Variants in NEK9 observed in about 807,000 individuals in gnomAD.
NEK9 encodes the protein NIMA related kinase 9.
NEK9 carries 75 observed loss-of-function variants against 123.4 expected under a neutral mutation model. The ratio of observed to expected loss-of-function variants is 0.61; its 90% CI spans 0.50 to 0.74. NEK9 has a LOEUF of 0.74. NEK9 is among the 30% of genes least tolerant of loss of function. The pLI is 0.00. For missense variants in NEK9, 952 were observed against 1,214.4 expected (o/e 0.78, Z 3.21); for synonymous variants, 438 against 458.7 (o/e 0.95, Z 0.58).
chr14:75,089,000 T>C (rs766277629), intron 19 of NEK9, among the ~76,000 whole-genome samples: 26 of 152,228 alleles, frequency 1.7e-4, no homozygotes, highest in Non-Finnish European at 5.9e-5. Flanking sequence ...AACAGCATGC[T>C]GCTTCCTCTG....
intron 13 of NEK9, among the ~76,000 whole-genome samples, chr14:75,105,731 T>G (rs1397307306): frequency 6.6e-6 from 1 of 152,226 alleles, no homozygotes; most frequent in South Asian, 2.1e-4. Context: ...GACTTCACAA[T>G]GTCCACAGTC....
chr14:75,102,663 C>CT (rs1485207928), intron 14 of NEK9, among the ~76,000 whole-genome samples: 2 of 152,124 alleles, frequency 1.3e-5, no homozygotes, highest in Non-Finnish European at 2.9e-5. Flanking sequence ...CTGAATATTT[C>CT]TTTTCAAACT....
At chr14:75,124,250 C>G in intron 1 of NEK9, 27 bp from the exon 2 acceptor site, 1 of 1,599,412 alleles carries the variant, frequency 6.3e-7, no homozygotes, top group Non-Finnish European at 8.6e-7. Flanking sequence ...AGGTATCGTG[C>G]TTTTCCTCTT....
chr14:75,104,042 G>T lies in NEK9; in HGVS notation c.1576-45C>A. 1.9e-6 allele frequency: 3 copies of T among 1,547,014 alleles called. 1 individual carries two copies. Among genetic ancestry groups the T allele is most frequent in the South Asian group, 2.4e-5 (2 of 83,144 alleles). On this transcript the variant is annotated intron_variant, in intron 13 of 21. Transcript: ENST00000238616. ...AAAAGAAATCCCAAATATATAATTC[G>T]TATTAGAAAAAAAGCTCTCAAATTC...
intron 1 of NEK9, among the ~76,000 whole-genome samples, chr14:75,125,264 C>G (rs953353738): frequency 6.6e-6 from 1 of 152,170 alleles, no homozygotes; most frequent in African/African-American, 2.4e-5. Context: ...CTTTTCATAT[C>G]TCTACATATG....
intron 8 of NEK9, 44 bp from the exon 9 acceptor site, chr14:75,110,415 T>G (rs1162864356): frequency 1.4e-6 from 2 of 1,458,500 alleles, no homozygotes; most frequent in Non-Finnish European, 1.9e-6. Context: ...ATAATAGGTT[T>G]TTATATTGCA....
intron 2 of NEK9, among the ~76,000 whole-genome samples, chr14:75,122,783 G>A (rs920168294): frequency 1.5e-5 from 2 of 129,472 alleles, no homozygotes; most frequent in African/African-American, 3.0e-5. Flanking sequence ...GAGCCACCAC[G>A]CCCAGCTTTT....
chr14:75,126,421 G>A (rs1895527637), intron 1 of NEK9, among the ~76,000 whole-genome samples: 1 of 152,040 alleles, frequency 6.6e-6, no homozygotes, highest in Non-Finnish European at 1.5e-5. Context: ...AAAAGAAAAA[G>A]ATGATTTCAA....
At chr14:75,116,311 C>A (rs1342290080) in intron 6 of NEK9, 1 of 155,056 alleles carries the variant, frequency 6.4e-6, no homozygotes, top group Non-Finnish European at 1.4e-5. Flanking sequence ...GTGAGGCATG[C>A]CTGTAGTTCG....
At chr14:75,121,543 G>A (rs1354203876) in intron 2 of NEK9, among the ~76,000 whole-genome samples, 1 of 152,208 alleles carries the variant, frequency 6.6e-6, no homozygotes, top group African/African-American at 2.4e-5. Context: ...TCTCCCAGTT[G>A]TGACTACTAT....
intron 16 of NEK9, among the ~76,000 whole-genome samples, chr14:75,099,363 C>A (rs577791552): frequency 2.0e-5 from 3 of 151,666 alleles, no homozygotes; most frequent in Non-Finnish European, 4.4e-5. Flanking sequence ...GAGTTGTTAC[C>A]AGTCAAGTGA....
At chr14:75,100,739 T>A (rs1894547630) in intron 16 of NEK9, among the ~76,000 whole-genome samples, 1 of 152,070 alleles carries the variant, frequency 6.6e-6, no homozygotes, top group Non-Finnish European at 1.5e-5. Flanking sequence ...AAGTGAAAGC[T>A]GAAATGAAAA....
intron 18 of NEK9, among the ~76,000 whole-genome samples, chr14:75,094,657 G>A (rs1424248572): frequency 6.6e-6 from 1 of 152,144 alleles, no homozygotes; most frequent in Non-Finnish European, 1.5e-5. Context: ...GTGCATGCCT[G>A]TAATCCCAGC....
chr14:75,117,156 A>G, intron 6 of NEK9, 39 bp downstream of exon 6: 2 of 1,597,440 alleles, frequency 1.3e-6, no homozygotes, highest in Non-Finnish European at 1.7e-6. Context: ...ACCATTTGCA[A>G]CCTGCTAAAT....
In NEK9 at chr14:75,126,978, G is replaced by A; in HGVS notation, c.-57C>T. On this transcript the variant is annotated 5_prime_UTR_variant, in exon 1 of 22. Coordinates refer to ENST00000238616, the MANE Select transcript of NEK9 (RefSeq NM_033116.6). Reference sequence around the variant, plus strand: ...GCGTATGCCCGGAGGCCCTGGCCGCGCTGCGTCCCGCTCGCTTCAGATGCC... The same window carrying A: ...GCGTATGCCCGGAGGCCCTGGCCGCACTGCGTCCCGCTCGCTTCAGATGCC... 2.2e-6 allele frequency: 3 copies of A among 1,336,510 alleles called. No individual in the cohort carries two copies. The highest frequency in any genetic ancestry group is 3.1e-5 in the East Asian group (1 of 31,986). The allele number at this position is 1,336,510 out of a possible 1,614,324, so 82.8% of individuals were successfully genotyped here.
At chr14:75,089,229 G>A (rs1250143476) in intron 19 of NEK9, among the ~76,000 whole-genome samples, 4 of 151,966 alleles carry the variant, frequency 2.6e-5, no homozygotes, top group Non-Finnish European at 5.9e-5. Flanking sequence ...ACCATGCCCG[G>A]CTAATTATTA....
intron 2 of NEK9, among the ~76,000 whole-genome samples, chr14:75,122,176 TAATAA>T (rs1895360467): frequency 3.3e-5 from 5 of 152,336 alleles, no homozygotes; most frequent in African/African-American, 1.2e-4. Flanking sequence ...CCCTGCAACT[TAATAA>T]CTCAGTTTCA....
chr14:75,101,237 T>G, intron 15 of NEK9, 84 bp from the exon 16 acceptor site: 1 of 1,375,672 alleles, frequency 7.3e-7, no homozygotes, highest in Non-Finnish European at 9.8e-7. Flanking sequence ...CTTCATGGAT[T>G]AGCTTCCGGT....
chr14:75,091,567 G>T, intron 18 of NEK9, 89 bp from the exon 19 acceptor site: 1 of 1,157,052 alleles, frequency 8.6e-7, no homozygotes, highest in Non-Finnish European at 1.2e-6. Flanking sequence ...CTGGAAAGGT[G>T]CCTATAAGCT....
Sources: gnomAD v4.1 joint callset for allele counts (sites outside exome capture counted in the v4.1 genomes callset) on GRCh38, gnomAD v4.1.1 for gene constraint, MANE v1.5 for transcripts, NCBI Gene and HGNC (gene_info 2026-07-23, HGNC 2026-07-21) for gene names.